The following FBXO36 variants were observed in gnomAD, a reference collection of about 807,000 sequenced individuals.
The protein encoded by FBXO36 is F-box only protein 36.
In FBXO36, 18 loss-of-function variants were observed where a neutral mutation model predicts 17.0. The observed-to-expected ratio is 1.06, with a 90% CI of 0.73 to 1.57. The LOEUF (loss-of-function observed/expected upper bound fraction) is 1.57. Among genes scored for constraint, FBXO36 ranks in the 40% most tolerant of loss-of-function variants. The pLI, the probability that FBXO36 is intolerant of heterozygous loss-of-function variation, is 0.00. For missense variants in FBXO36, 229 were observed against 221.9 expected (o/e 1.03, Z -0.20); for synonymous variants, 83 against 85.3 (o/e 0.97, Z 0.15).
At chr2:229,992,431 T>A (rs1038948250) in intron 2 of FBXO36, among the ~76,000 whole-genome samples, 20 of 152,186 alleles carry the variant, frequency 1.3e-4, no homozygotes, top group African/African-American at 4.8e-4. Context: ...GTGCTGGGAT[T>A]ACAGGCATGA....
intron 2 of FBXO36, among the ~76,000 whole-genome samples, chr2:229,987,974 C>T (rs1021905666): frequency 1.3e-5 from 2 of 152,168 alleles, no homozygotes; most frequent in Non-Finnish European, 2.9e-5. Context: ...TCTAAATTTT[C>T]TTTAACTGCT....
chr2:229,958,459 C>T (rs984099285), intron 1 of FBXO36, among the ~76,000 whole-genome samples: 1 of 151,816 alleles, frequency 6.6e-6, no homozygotes, highest in Non-Finnish European at 1.5e-5. Flanking sequence ...TTAGTAGAGA[C>T]GGGGTTTCAA....
At chr2:229,971,183 G>A (rs548898627) in intron 1 of FBXO36, among the ~76,000 whole-genome samples, 31 of 151,790 alleles carry the variant, frequency 2.0e-4, no homozygotes, top group Non-Finnish European at 3.8e-4. Flanking sequence ...GTAAAACCCC[G>A]TCTCTACTAA....
chr2:230,011,020 T>A lies in FBXO36; in HGVS notation c.*136T>A. The A allele has an allele frequency of 1.1e-6, 1 of 944,024 alleles. No homozygotes were observed. Among genetic ancestry groups the A allele is most frequent in the Non-Finnish European group, 1.5e-6 (1 of 649,754 alleles). The allele number at this position is 944,024 out of a possible 1,614,324, so 58.5% of individuals were successfully genotyped here. On this transcript the variant is annotated 3_prime_UTR_variant, in exon 4 of 4. Coordinates refer to ENST00000283946, the MANE Select transcript of FBXO36 (RefSeq NM_174899.5). Reference sequence around the variant, plus strand: ...GAGCCATTTGAAACTCGTAGGGGATTTGCACACAAATGCAGCAGAGTCTGG... The same window carrying A: ...GAGCCATTTGAAACTCGTAGGGGATATGCACACAAATGCAGCAGAGTCTGG...
At chr2:229,981,906 C>T (rs1196051541) in intron 2 of FBXO36, among the ~76,000 whole-genome samples, 1 of 151,986 alleles carries the variant, frequency 6.6e-6, no homozygotes, top group Non-Finnish European at 1.5e-5. Context: ...TTTGGGGAGG[C>T]CCCAAGAAGC....
chr2:229,975,782 C>T (rs973825844), intron 1 of FBXO36, among the ~76,000 whole-genome samples: 2 of 116,266 alleles, frequency 1.7e-5, no homozygotes, highest in Admixed American at 1.1e-4. Context: ...AGCCTTTGAC[C>T]TGATCTATTT....
At chr2:229,948,037 G>A (rs996131193) in intron 1 of FBXO36, among the ~76,000 whole-genome samples, 7 of 151,856 alleles carry the variant, frequency 4.6e-5, no homozygotes, top group Admixed American at 2.0e-4. Flanking sequence ...GGTGGCTCAC[G>A]CCATTAATCC....
intron 2 of FBXO36, among the ~76,000 whole-genome samples, chr2:229,992,655 T>G (rs2077303682): frequency 6.6e-6 from 1 of 152,226 alleles, no homozygotes; most frequent in East Asian, 1.9e-4. Flanking sequence ...TACCCAAGTC[T>G]TTATCATCTA....
At chr2:229,956,444 T>C (rs190980002) in intron 1 of FBXO36, among the ~76,000 whole-genome samples, 242 of 152,280 alleles carry the variant, frequency 1.6e-3, no homozygotes, top group African/African-American at 5.4e-3. Context: ...AAAGAAAATA[T>C]CCGCAAAGCA....
chr2:229,995,654 A>G (rs2077323055), intron 2 of FBXO36, among the ~76,000 whole-genome samples: 1 of 129,766 alleles, frequency 7.7e-6, no homozygotes, highest in Non-Finnish European at 1.5e-5. Flanking sequence ...GTGCAATGGC[A>G]TGATCTCAGC....
chr2:230,003,691 C>G (rs1006234844), intron 3 of FBXO36, among the ~76,000 whole-genome samples: 3 of 152,154 alleles, frequency 2.0e-5, no homozygotes, highest in Admixed American at 6.6e-5. Context: ...TGCCACCACA[C>G]CCGGCTAATT....
intron 1 of FBXO36, among the ~76,000 whole-genome samples, chr2:229,958,664 G>A (rs2077104919): frequency 6.6e-6 from 1 of 152,156 alleles, no homozygotes; most frequent in Non-Finnish European, 1.5e-5. Flanking sequence ...TGTTAGAATT[G>A]TTGGTGTGGC....
chr2:229,968,764 G>A lies in FBXO36; in HGVS notation c.97-7477G>A, dbSNP rs538519529. On this transcript the variant is annotated intron_variant, in intron 1 of 3. Coordinates refer to ENST00000283946, the MANE Select transcript of FBXO36 (RefSeq NM_174899.5). Reference sequence around the variant, plus strand: ...ATTACAAGCATGAGCCACCATGCCCGGCCAAATTATTATTATTATTATTTT... The same window carrying A: ...ATTACAAGCATGAGCCACCATGCCCAGCCAAATTATTATTATTATTATTTT... 1.2e-3 allele frequency among the ~76,000 whole-genome samples: 176 copies of A among 152,006 alleles called. 2 individuals are homozygous for A. The highest frequency in any genetic ancestry group is 1.8e-3 in the Non-Finnish European group (123 of 67,982).
rs1176919837 is a variant in FBXO36 at position 229,976,269 on chromosome 2, T to C, written c.125T>C (p.Leu42Pro). Residue 42 changes from leucine (L) to proline (P), a missense_variant, in exon 2 of 4, where the codon CTA (leucine) becomes CCA (proline). Leu to Pro is a moderately conservative substitution (Grantham distance 98). Transcript: ENST00000283946. Reference protein sequence around the residue: ...QVIFRWWKISLRSEYRSTKPG... With the variant: ...QVIFRWWKISPRSEYRSTKPG... ...ATCTTTAGATGGTGGAAGATCTCTC[T>C]AAGGAGTGAGTATCGATCAACAAAA... 6.2e-7 allele frequency: 1 copy of C among 1,612,484 alleles called. No individual in the cohort carries two copies. Among genetic ancestry groups the C allele is most frequent in the Non-Finnish European group, 8.5e-7 (1 of 1,179,446 alleles).
intron 2 of FBXO36, chr2:229,977,137 A>G (rs528205482): frequency 2.0e-5 from 3 of 152,192 alleles, no homozygotes; most frequent in South Asian, 2.1e-4. Context: ...TGCTACAACC[A>G]TCTATATTTA....
chr2:229,940,610 T>TA (rs1179899790), intron 1 of FBXO36, among the ~76,000 whole-genome samples: 1 of 152,182 alleles, frequency 6.6e-6, no homozygotes, highest in Non-Finnish European at 1.5e-5. Flanking sequence ...GAGATCCTGC[T>TA]AAAGTAGCAT....
intron 1 of FBXO36, among the ~76,000 whole-genome samples, chr2:229,949,102 G>A (rs1472204030): frequency 1.3e-5 from 2 of 152,120 alleles, no homozygotes; most frequent in Admixed American, 6.5e-5. Flanking sequence ...TAAAGTGCTG[G>A]GATTACAGGC....
At chr2:230,009,396 C>T (rs2077403091) in intron 3 of FBXO36, among the ~76,000 whole-genome samples, 1 of 152,198 alleles carries the variant, frequency 6.6e-6, no homozygotes, top group African/African-American at 2.4e-5. Context: ...TTCTGTGTTA[C>T]TTTGCTTAGG....
rs747866198 is a variant in FBXO36, at chr2:229,996,832, G to A, written c.287G>A (p.Arg96Gln). 1.2e-5 allele frequency: 19 copies of A among 1,613,826 alleles called. No homozygotes were observed. Among genetic ancestry groups the A allele is most frequent in the South Asian group, 3.3e-5 (3 of 91,068 alleles). The change falls in exon 3 of 4, where the codon CGG becomes CAG. Residue 96 changes from arginine to glutamine, a missense_variant. Coordinates refer to ENST00000283946, the MANE Select transcript of FBXO36 (RefSeq NM_174899.5). ...LCKGKFDFLE[R>Q]LSDDLLLTII... ...AAAGGTAAATTTGACTTCCTTGAAC[G>A]GCTCTCAGACGATTTGCTCCTGACT... is the stretch of plus-strand genomic sequence containing the variant.
Sources: gnomAD v4.1 joint callset for allele counts (sites outside exome capture counted in the v4.1 genomes callset) on GRCh38, gnomAD v4.1.1 for gene constraint, MANE v1.5 for transcripts, NCBI Gene and HGNC (gene_info 2026-07-23, HGNC 2026-07-21) for gene names.